ERC2: variants seen among roughly 807,000 people sequenced by gnomAD.
ERC2 encodes ERC protein 2.
Under a neutral mutation model 114.8 loss-of-function variants are expected in ERC2, and 42 were observed. That is an observed-to-expected ratio of 0.37 (90% confidence interval 0.29 to 0.47). The LOEUF (loss-of-function observed/expected upper bound fraction) is 0.47, where lower values mean the gene tolerates loss of function less well. Ranked by LOEUF, ERC2 falls within the 20% of genes least tolerant of loss-of-function variation. The pLI is 0.99. For synonymous variants in ERC2, 454 were observed against 425.5 expected, an observed-to-expected ratio of 1.07 and a Z score of -0.82; for missense variants, 939 against 1,150.7, an observed-to-expected ratio of 0.82 and a Z score of 2.66.
intron 17 of ERC2, among the ~76,000 whole-genome samples, chr3:55,640,855 T>C (rs2148654161): frequency 1.3e-5 from 2 of 152,326 alleles, no homozygotes; most frequent in Middle Eastern, 6.8e-3. Context: ...TAACAGTACT[T>C]TGATTTTTCT....
At chr3:56,288,622 T>G (rs1252166584) in intron 3 of ERC2, among the ~76,000 whole-genome samples, 2 of 152,206 alleles carry the variant, frequency 1.3e-5, no homozygotes, top group African/African-American at 4.8e-5. Flanking sequence ...AGAAAGGAAT[T>G]TATTTTCCGT....
intron 3 of ERC2, among the ~76,000 whole-genome samples, chr3:56,262,760 C>A (rs180922971): frequency 6.6e-6 from 1 of 152,348 alleles, no homozygotes; most frequent in Non-Finnish European, 1.5e-5. Flanking sequence ...TACTAACTTT[C>A]CTCTCATTAC....
At chr3:55,893,951 T>C (rs9881523) in intron 13 of ERC2, among the ~76,000 whole-genome samples, 26,487 of 152,178 alleles carry the variant, frequency 0.17, 2,539 homozygotes, top group East Asian at 0.3. Context: ...GTAACAATAG[T>C]ACTTATAGTA....
intron 14 of ERC2, among the ~76,000 whole-genome samples, chr3:55,801,906 C>T (rs967698984): frequency 6.6e-5 from 10 of 152,236 alleles, no homozygotes. Context: ...GGGAGCCCTG[C>T]TCCCAGAACT....
chr3:55,772,949 G>A (rs917879294), intron 14 of ERC2, among the ~76,000 whole-genome samples: 1 of 152,072 alleles, frequency 6.6e-6, no homozygotes, highest in African/African-American at 2.4e-5. Flanking sequence ...GGACCATGAC[G>A]CACCACCCCA....
intron 3 of ERC2, among the ~76,000 whole-genome samples, chr3:56,197,676 T>C (rs1388720253): frequency 6.6e-6 from 1 of 152,228 alleles, no homozygotes; most frequent in Non-Finnish European, 1.5e-5. Flanking sequence ...TTCCATTCCA[T>C]ACTAATCTAT....
At chr3:55,702,395 G>C (rs146866625) in intron 15 of ERC2, among the ~76,000 whole-genome samples, 1 of 152,290 alleles carries the variant, frequency 6.6e-6, no homozygotes, top group Non-Finnish European at 1.5e-5. Context: ...TGATACTCTA[G>C]ACCGTTTTTA....
chr3:56,447,785 C>G (rs1329386046), intron 1 of ERC2, among the ~76,000 whole-genome samples: 1 of 151,956 alleles, frequency 6.6e-6, no homozygotes, highest in East Asian at 1.9e-4. Flanking sequence ...CTCTGCCACC[C>G]AGGCTGGAGT....
chr3:56,397,971 G>T (rs1262798519), intron 2 of ERC2, among the ~76,000 whole-genome samples: 1 of 152,162 alleles, frequency 6.6e-6, no homozygotes, highest in African/African-American at 2.4e-5. Context: ...GTAATTCCCA[G>T]AAGGTGTATA....
intron 3 of ERC2, among the ~76,000 whole-genome samples, chr3:56,245,385 T>C (rs143335561): frequency 0.017 from 2,632 of 152,118 alleles, 48 homozygotes; most frequent in Middle Eastern, 0.027. Context: ...GCCCAGTATA[T>C]GTCAGTACAG....
In ERC2 at chr3:55,510,762, G is replaced by T. The variant is rs1424246639; in HGVS notation, c.*554C>A. The T allele has an allele frequency of 1.3e-5, 2 of 152,240 alleles. No individual in the cohort carries two copies. The highest frequency in any genetic ancestry group is 2.4e-5 in the African/African-American group (1 of 41,398). 9.4% of individuals were successfully genotyped at this position (152,240 alleles called of 1,614,324 possible). On this transcript the variant is annotated 3_prime_UTR_variant, in exon 18 of 18. Coordinates refer to ENST00000288221, the MANE Select transcript of ERC2 (RefSeq NM_015576.3). The stretch of plus-strand genomic sequence containing the variant: ...TTCGTCAAACACTCCATGCATCATG[G>T]TATACAAACACTGCCAACACCACTC...
chr3:55,992,234 T>C lies in ERC2; in HGVS notation c.2078A>G (p.Asp693Gly), dbSNP rs750585953. 6.2e-7 allele frequency: 1 copy of C among 1,613,384 alleles called. No individual in the cohort carries two copies. Among genetic ancestry groups the C allele is most frequent in the South Asian group, 1.1e-5 (1 of 90,966 alleles). The change falls in exon 11 of 18, where the codon GAT becomes GGT. Residue 693 changes from aspartate to glycine, a missense_variant. This residue lies in a region of ERC2 where 328 missense variants were observed against 353.9 expected (regional missense o/e 0.93). Coordinates refer to ENST00000288221, the MANE Select transcript of ERC2 (RefSeq NM_015576.3). ...AQLKKAHNIEDDSRMNPEFAD... is the reference protein window; with the variant it reads ...AQLKKAHNIEGDSRMNPEFAD... ...AAACTCAGGGTTCATCCTGGAGTCA[T>C]CTTCAATATTATGTGCCTTCAACAT...
chr3:55,668,466 G>A (rs2061438246), intron 17 of ERC2, among the ~76,000 whole-genome samples: 2 of 152,188 alleles, frequency 1.3e-5, no homozygotes, highest in African/African-American at 2.4e-5. Flanking sequence ...CTTCCTTAAC[G>A]GTTGTGCTCC....
At chr3:55,656,343 G>C (rs2060865419) in intron 17 of ERC2, among the ~76,000 whole-genome samples, 3 of 151,872 alleles carry the variant, frequency 2.0e-5, no homozygotes, top group African/African-American at 7.3e-5. Flanking sequence ...TTTTTGTAGA[G>C]CTGGGAGTCT....
intron 14 of ERC2, among the ~76,000 whole-genome samples, chr3:55,834,386 A>G (rs2060773005): frequency 6.6e-6 from 1 of 152,238 alleles, no homozygotes; most frequent in Non-Finnish European, 1.5e-5. Flanking sequence ...CAAATGTAAA[A>G]GAACAGAAGT....
chr3:56,151,192 G>A (rs1281180479), intron 4 of ERC2, among the ~76,000 whole-genome samples: 1 of 151,948 alleles, frequency 6.6e-6, no homozygotes, highest in Admixed American at 6.6e-5. Context: ...TCAGCCTCCC[G>A]AGTAGCTGGG....
chr3:55,602,021 T>A (rs112965361), intron 17 of ERC2, among the ~76,000 whole-genome samples: 1 of 152,204 alleles, frequency 6.6e-6, no homozygotes, highest in African/African-American at 2.4e-5. Context: ...TATTTCTGAA[T>A]GGGTGGATGG....
intron 7 of ERC2, among the ~76,000 whole-genome samples, chr3:56,079,486 C>T (rs1472362498): frequency 6.6e-6 from 1 of 152,084 alleles, no homozygotes; most frequent in East Asian, 1.9e-4. Context: ...GTAGTCTGAG[C>T]AAAGGGGAAG....
chr3:55,550,366 G>A lies in ERC2; in HGVS notation c.*40-39090C>T, dbSNP rs149752865. ...CTCACTTAGTTCCATCTCTTTCACTGAAATGTAAGCTGCTTGAGGGCAGGG... is the reference window on the plus strand; with the variant it reads ...CTCACTTAGTTCCATCTCTTTCACTAAAATGTAAGCTGCTTGAGGGCAGGG... On this transcript the variant is annotated intron_variant, in intron 17 of 17. Transcript: ENST00000288221. 3.3e-5 allele frequency among the ~76,000 whole-genome samples: 5 copies of A among 152,240 alleles called. No individual in the cohort carries two copies. In the East Asian group the frequency reaches 9.7e-4, roughly 29 times the overall value.
Sources: gnomAD v4.1 joint callset for allele counts (sites outside exome capture counted in the v4.1 genomes callset) on GRCh38, gnomAD v4.1.1 for gene constraint, gnomAD v4.1.1 regional missense constraint, MANE v1.5 for transcripts, NCBI Gene and HGNC (gene_info 2026-07-23, HGNC 2026-07-21) for gene names.